CCDC192: variants seen among roughly 807,000 people sequenced by gnomAD.
CCDC192 encodes coiled-coil domain-containing protein 192.
intron 5 of CCDC192, among the ~76,000 whole-genome samples, chr5:127,801,914 C>T (rs1408094301): frequency 6.6e-6 from 1 of 152,174 alleles, no homozygotes; most frequent in Admixed American, 6.5e-5. Flanking sequence ...CTGTTGGCTA[C>T]CTAAGTTAGG....
intron 6 of CCDC192, among the ~76,000 whole-genome samples, chr5:127,907,647 G>C (rs1383122231): frequency 6.6e-6 from 1 of 152,032 alleles, no homozygotes; most frequent in Non-Finnish European, 1.5e-5. Flanking sequence ...AATGATTTTT[G>C]CCTCGATTTT....
chr5:127,722,782 T>C (rs1752099605), intron 2 of CCDC192, among the ~76,000 whole-genome samples: 1 of 152,218 alleles, frequency 6.6e-6, no homozygotes, highest in Non-Finnish European at 1.5e-5. Flanking sequence ...TGTATGAATT[T>C]ATTTCTGCAT....
intron 6 of CCDC192, among the ~76,000 whole-genome samples, chr5:127,876,663 C>T (rs1045316232): frequency 6.6e-6 from 1 of 152,144 alleles, no homozygotes; most frequent in South Asian, 2.1e-4. Context: ...AACATGCCAT[C>T]GTTCTTACTC....
intron 3 of CCDC192, among the ~76,000 whole-genome samples, chr5:127,783,677 G>T (rs564539541): frequency 1.9e-4 from 29 of 152,198 alleles, no homozygotes; most frequent in African/African-American, 7.0e-4. Context: ...GTTTGTTGTT[G>T]TTGTTGTTGT....
intron 6 of CCDC192, among the ~76,000 whole-genome samples, chr5:127,880,799 G>C (rs983373766): frequency 4.6e-5 from 7 of 151,816 alleles, no homozygotes; most frequent in African/African-American, 1.7e-4. Flanking sequence ...GGCTAAAATG[G>C]GGAAACCCTA....
chr5:127,809,217 A>G (rs1221787089), intron 5 of CCDC192, among the ~76,000 whole-genome samples: 1 of 152,162 alleles, frequency 6.6e-6, no homozygotes, highest in African/African-American at 2.4e-5. Context: ...GATTGTTAAT[A>G]AGATGCAAAT....
chr5:127,872,254 A>G (rs1751895611), intron 5 of CCDC192, among the ~76,000 whole-genome samples: 2 of 152,248 alleles, frequency 1.3e-5, no homozygotes, highest in Admixed American at 1.3e-4. Flanking sequence ...TAAGTCTTTT[A>G]TCCAATTTTT....
chr5:127,781,562 A>G (rs1756221603), intron 3 of CCDC192, among the ~76,000 whole-genome samples: 1 of 145,494 alleles, frequency 6.9e-6, no homozygotes, highest in Non-Finnish European at 1.5e-5. Context: ...GGTTATGTAT[A>G]TTCCTAAGTA....
intron 2 of CCDC192, among the ~76,000 whole-genome samples, chr5:127,744,891 G>A (rs1213945507): frequency 6.6e-6 from 1 of 152,060 alleles, no homozygotes; most frequent in Non-Finnish European, 1.5e-5. Context: ...ACTCAACCTC[G>A]TGACCACATT....
At chr5:127,719,476 CATATAT>C (rs71575703) in intron 2 of CCDC192, among the ~76,000 whole-genome samples, 3,542 of 127,078 alleles carry the variant, frequency 0.028, 266 homozygotes, top group East Asian at 0.14. Context: ...CAGACACATA[CATATAT>C]ATATATATAT....
rs141193541 is a variant in CCDC192, at chr5:127,896,665, C to T, written c.535+21004C>T. ...TTCTCCATGTTGGTCAGGCTGGTCT[C>T]GAACTCCTGACCTCAGATGATCCAC... is the stretch of plus-strand genomic sequence containing the variant. On this transcript the variant is annotated intron_variant, in intron 6 of 6. Transcript: ENST00000514853. Among the ~76,000 whole-genome samples the T allele has an allele frequency of 3.8e-3, 585 of 152,210 alleles. 5 individuals carry two copies. The highest frequency in any genetic ancestry group is 0.013 in the African/African-American group (543 of 41,524).
intron 1 of CCDC192, among the ~76,000 whole-genome samples, chr5:127,707,430 AAGATTGTTCAGGTTTTCAGAAC>A (rs1751036493): frequency 1.3e-5 from 2 of 151,700 alleles, no homozygotes; most frequent in Non-Finnish European, 2.9e-5. Flanking sequence ...GTTGAAATAC[AAGATTGTTCAGGTTTTCAGAAC>A]AGATTGTACT....
At chr5:127,737,892 A>C (rs1204001046) in intron 2 of CCDC192, among the ~76,000 whole-genome samples, 2 of 151,962 alleles carry the variant, frequency 1.3e-5, no homozygotes. Context: ...CCAATTTGCC[A>C]GTCTGTGTCT....
intron 6 of CCDC192, among the ~76,000 whole-genome samples, chr5:127,892,906 A>C (rs1484891051): frequency 1.3e-5 from 2 of 152,216 alleles, no homozygotes; most frequent in African/African-American, 4.8e-5. Context: ...CATTGTCTCG[A>C]GTGACACAGA....
intron 5 of CCDC192, among the ~76,000 whole-genome samples, chr5:127,853,824 T>TGA (rs1180951036): frequency 1.3e-5 from 2 of 151,582 alleles, no homozygotes; most frequent in Non-Finnish European, 2.9e-5. Flanking sequence ...ACATCTGGAG[T>TGA]GAGAATTCTC....
At chr5:127,825,086 C>T (rs1048280929) in intron 5 of CCDC192, among the ~76,000 whole-genome samples, 1 of 152,160 alleles carries the variant, frequency 6.6e-6, no homozygotes, top group Non-Finnish European at 1.5e-5. Flanking sequence ...ACTAAGGTAT[C>T]TTCATCAAGT....
At chr5:127,769,096 T>C (rs1405916575) in intron 3 of CCDC192, among the ~76,000 whole-genome samples, 2 of 152,228 alleles carry the variant, frequency 1.3e-5, no homozygotes, top group African/African-American at 4.8e-5. Flanking sequence ...CAATATTAAT[T>C]ACCGCATGTA....
At chr5:127,797,825 G>T in intron 4 of CCDC192, among the ~76,000 whole-genome samples, 1 of 143,536 alleles carries the variant, frequency 7.0e-6, no homozygotes. Context: ...ATATGATATA[G>T]GGGCATTTGC....
chr5:127,936,653 G>A (rs1344592251), intron 6 of CCDC192, among the ~76,000 whole-genome samples: 2 of 152,246 alleles, frequency 1.3e-5, no homozygotes, highest in East Asian at 1.9e-4. Flanking sequence ...AAAGTGATGA[G>A]TTTATACCCT....
Sources: allele counts gnomAD v4.1 joint callset (sites outside exome capture counted in the v4.1 genomes callset), GRCh38; gene constraint gnomAD v4.1.1; transcripts MANE v1.5; gene names NCBI Gene and HGNC (gene_info 2026-07-23, HGNC 2026-07-21).